The following CACNB2 variants were observed in gnomAD, a reference collection of about 807,000 sequenced individuals.
CACNB2 encodes calcium voltage-gated channel auxiliary subunit beta 2.
CACNB2 carries 42 observed loss-of-function variants against 73.3 expected under a neutral mutation model. The ratio of observed to expected loss-of-function variants is 0.57; its 90% CI spans 0.45 to 0.74. The LOEUF is 0.74. CACNB2 is among the 30% of genes least tolerant of loss of function. CACNB2 has a pLI of 0.00. For synonymous variants in CACNB2, 348 were observed against 310.3 expected, an observed-to-expected ratio of 1.12 and a Z score of -1.28; for missense variants, 940 against 853.0, an observed-to-expected ratio of 1.10 and a Z score of -1.27.
chr10:18,318,865 A>C (rs2040292740), intron 2 of CACNB2, among the ~76,000 whole-genome samples: 1 of 152,240 alleles, frequency 6.6e-6, no homozygotes, highest in African/African-American at 2.4e-5. Context: ...ATCATCACAG[A>C]TTATCAAACA....
chr10:18,506,690 T>A (rs2050506713), intron 6 of CACNB2, 143 bp downstream of exon 6: 1 of 687,584 alleles, frequency 1.5e-6, no homozygotes, highest in Admixed American at 2.1e-5. Context: ...AGCATGCCCT[T>A]TTGGAGTTAC....
chr10:18,498,212 C>A, intron 3 of CACNB2, 143 bp from the exon 4 acceptor site: 1 of 957,736 alleles, frequency 1.0e-6, no homozygotes, highest in Non-Finnish European at 1.6e-6. Context: ...TACGAACAAG[C>A]TGTTTTGTGA....
intron 2 of CACNB2, among the ~76,000 whole-genome samples, chr10:18,313,408 C>G (rs907225553): frequency 5.3e-5 from 8 of 151,224 alleles, no homozygotes; most frequent in African/African-American, 1.7e-4. Context: ...CTGTGACAAC[C>G]AAAAATGTCT....
intron 2 of CACNB2, among the ~76,000 whole-genome samples, chr10:18,193,428 C>G (rs184360233): frequency 6.6e-6 from 1 of 152,118 alleles, no homozygotes; most frequent in African/African-American, 2.4e-5. Context: ...TTTTATTAGG[C>G]CATTCCTGGT....
rs530737263 is a variant in CACNB2 at position 18,450,929 on chromosome 10, G to A, written c.334-47426G>A. On this transcript the variant is annotated intron_variant, in intron 3 of 13. Transcript: ENST00000324631. ...TGGGATTACAGGCATGAGCCACCAC[G>A]CCCAGCCCCGTTTGCTTTTTTTATG... Among the ~76,000 whole-genome samples, 197 of 152,248 alleles carry A rather than the reference G, an allele frequency of 1.3e-3. 3 individuals are homozygous for A. The highest frequency in any genetic ancestry group is 4.5e-3 in the African/African-American group (186 of 41,566).
intron 9 of CACNB2, among the ~76,000 whole-genome samples, chr10:18,523,750 A>T (rs1214828373): frequency 6.6e-6 from 1 of 152,262 alleles, no homozygotes; most frequent in African/African-American, 2.4e-5. Flanking sequence ...AAATTCAACA[A>T]AAGTATCAGG....
intron 2 of CACNB2, among the ~76,000 whole-genome samples, chr10:18,384,798 T>TA (rs200615491): frequency 0.07 from 9,755 of 139,012 alleles, 337 homozygotes; most frequent in African/African-American, 0.094. Flanking sequence ...ATGAACATGG[T>TA]AAAAAAAAAA....
At chr10:18,368,075 TC>T in intron 2 of CACNB2, among the ~76,000 whole-genome samples, 1 of 152,186 alleles carries the variant, frequency 6.6e-6, no homozygotes, top group Non-Finnish European at 1.5e-5. Context: ...GAAAGAAATT[TC>T]TTGAAAAGCA....
intron 2 of CACNB2, among the ~76,000 whole-genome samples, chr10:18,274,604 C>G (rs1277732): frequency 0.2 from 31,006 of 152,050 alleles, 3,494 homozygotes; most frequent in South Asian, 0.3. Flanking sequence ...AAGAGAAATC[C>G]ACAATTTTTT....
Position 18,361,707 on chromosome 10 carries a change from G to A in CACNB2, c.214-40217G>A, listed in dbSNP as rs560453920. ...CAGCTCACTGAAACTTCCACCTTCC[G>A]GGTCAAGTGATTCTCCCATCTCAGC... is the stretch of plus-strand genomic sequence containing the variant. On this transcript the variant is annotated intron_variant, in intron 2 of 13. Coordinates refer to ENST00000324631, the MANE Select transcript of CACNB2 (RefSeq NM_201596.3). Among the ~76,000 whole-genome samples, 21 of 149,484 alleles carry A rather than the reference G, an allele frequency of 1.4e-4. No individual in the cohort carries two copies. The East Asian group carries it at 3.8e-3, about 27-fold the overall frequency.
chr10:18,222,182 C>CTA (rs1177876200), intron 2 of CACNB2, among the ~76,000 whole-genome samples: 2 of 152,182 alleles, frequency 1.3e-5, no homozygotes, highest in Non-Finnish European at 2.9e-5. Context: ...AAACAGCAGC[C>CTA]TACACTGGAA....
At chr10:18,171,106 T>C (rs2033193934) in intron 2 of CACNB2, among the ~76,000 whole-genome samples, 1 of 152,170 alleles carries the variant, frequency 6.6e-6, no homozygotes, top group Admixed American at 6.5e-5. Context: ...GTAGTCATAA[T>C]TGTCCATTAT....
At chr10:18,273,266 G>A (rs965350996) in intron 2 of CACNB2, among the ~76,000 whole-genome samples, 2 of 152,094 alleles carry the variant, frequency 1.3e-5, no homozygotes, top group African/African-American at 4.8e-5. Context: ...CCCAGGTCAG[G>A]AGAGGGGAGG....
At chr10:18,385,082 C>T (rs1005141234) in intron 2 of CACNB2, among the ~76,000 whole-genome samples, 5 of 152,178 alleles carry the variant, frequency 3.3e-5, no homozygotes, top group South Asian at 2.1e-4. Context: ...GAGTTCGAGA[C>T]CAGCCTGGCA....
At chr10:18,515,325 C>G (rs1029153390) in intron 7 of CACNB2, among the ~76,000 whole-genome samples, 2 of 151,964 alleles carry the variant, frequency 1.3e-5, no homozygotes, top group African/African-American at 4.8e-5. Flanking sequence ...CCCAAATTTC[C>G]CTTTTTTTCC....
At chr10:18,182,541 G>A (rs1310915724) in intron 2 of CACNB2, among the ~76,000 whole-genome samples, 1 of 151,304 alleles carries the variant, frequency 6.6e-6, no homozygotes, top group Non-Finnish European at 1.5e-5. Context: ...AATCACCCAG[G>A]CAGGAGGTGG....
Position 18,539,887 on chromosome 10 carries a change from T to C in CACNB2, c.*163T>C. 1 of 771,112 alleles carries C rather than the reference T, an allele frequency of 1.3e-6. No individual in the cohort carries two copies. Among genetic ancestry groups the C allele is most frequent in the Non-Finnish European group, 2.0e-6 (1 of 494,780 alleles). 47.8% of individuals were successfully genotyped at this position (771,112 alleles called of 1,614,324 possible). A position where few individuals can be genotyped will look rare whatever the true frequency, so the allele number is the denominator to read the frequency against. On this transcript the variant is annotated 3_prime_UTR_variant, in exon 14 of 14. Coordinates refer to ENST00000324631, the MANE Select transcript of CACNB2 (RefSeq NM_201596.3). ...TTGAATAGCAATAGCATGGATAGAG[T>C]ATTGAGATACTTTTTCTTTTGTAAG...
intron 2 of CACNB2, among the ~76,000 whole-genome samples, chr10:18,290,808 A>G (rs10828424): frequency 0.32 from 49,150 of 152,116 alleles, 8,440 homozygotes; most frequent in Middle Eastern, 0.4. Flanking sequence ...GATTTCATCA[A>G]CTCACACTAA....
At chr10:18,315,524 A>AAAAAACATTTTTTTTTTTTTTAATT (rs2040144410) in intron 2 of CACNB2, among the ~76,000 whole-genome samples, 2 of 133,296 alleles carry the variant, frequency 1.5e-5, no homozygotes, top group Non-Finnish European at 1.6e-5. Context: ...AAAAAAAAAA[A>AAAAAACATTTTTTTTTTTTTTAATT]AAAACTTTTT....
Sources: gnomAD v4.1 joint callset for allele counts (sites outside exome capture counted in the v4.1 genomes callset) on GRCh38, gnomAD v4.1.1 for gene constraint, MANE v1.5 for transcripts, NCBI Gene and HGNC (gene_info 2026-07-23, HGNC 2026-07-21) for gene names.